LDHA: variants seen among roughly 807,000 people sequenced by gnomAD.
LDHA encodes the protein lactate dehydrogenase A.
Under a neutral mutation model 36.3 loss-of-function variants are expected in LDHA, and 10 were observed. The observed-to-expected ratio is 0.28, with a 90% CI of 0.17 to 0.47. The LOEUF (loss-of-function observed/expected upper bound fraction) is 0.47, where lower values mean the gene tolerates loss of function less well. Ranked by LOEUF, LDHA falls within the 20% of genes least tolerant of loss-of-function variation. The pLI is 0.99. For synonymous variants in LDHA, 110 were observed against 136.7 expected (o/e 0.80, Z 1.36); for missense variants, 267 against 405.8 (o/e 0.66, Z 2.94).
chr11:18,395,969 C>G (rs1053965497), intron 1 of LDHA, among the ~76,000 whole-genome samples: 4 of 152,260 alleles, frequency 2.6e-5, no homozygotes, highest in African/African-American at 9.6e-5. Flanking sequence ...GATTTAAAGT[C>G]TGGCGCTGGC....
chr11:18,396,677 G>GT lies in LDHA; in HGVS notation c.-24-136dup, dbSNP rs539111769. The stretch of plus-strand genomic sequence containing the variant: ...TCAACTCTCTTTTGGCAACCATTAG[G>GT]TTTTTTCCCCTCCCTTTTTAGTCAT... On this transcript the variant is annotated intron_variant, in intron 1 of 7. Transcript: ENST00000422447. 657 of 1,371,712 alleles carry GT rather than the reference G, an allele frequency of 4.8e-4. 2 individuals are homozygous for GT. The highest frequency in any genetic ancestry group is 6.4e-4 in the Admixed American group (22 of 34,210). 85.0% of individuals were successfully genotyped at this position (1,371,712 alleles called of 1,614,324 possible).
At position 18,407,280 on chromosome 11, in the gene LDHA, A is replaced by T; in HGVS notation, c.998A>T (p.Ter333LeuextTer11). 1 of 1,613,536 alleles carries T rather than the reference A, an allele frequency of 6.2e-7. No individual in the cohort carries two copies. The highest frequency in any genetic ancestry group is 8.5e-7 in the Non-Finnish European group (1 of 1,179,818). The change falls in exon 8 of 8, where the codon TAA (stop) becomes TTA (leucine). Residue 333 changes from the stop codon to leucine, a stop_lost. Coordinates refer to ENST00000422447, the MANE Select transcript of LDHA (RefSeq NM_005566.4). Reference sequence around the variant, plus strand: ...GGGATCCAAAAGGAGCTGCAATTTTAAAGTCTTCTGATGTCATATCATTTC... The same window carrying T: ...GGGATCCAAAAGGAGCTGCAATTTTTAAGTCTTCTGATGTCATATCATTTC... ...LWGIQKELQF[*>L]
intron 6 of LDHA, among the ~76,000 whole-genome samples, chr11:18,404,934 C>T (rs1434715611): frequency 6.6e-6 from 1 of 151,698 alleles, no homozygotes; most frequent in Non-Finnish European, 1.5e-5. Flanking sequence ...AAGAAAGAAA[C>T]ACAATATCTG....
chr11:18,402,858 T>A lies in LDHA; in HGVS notation c.437T>A (p.Val146Glu). 6.2e-7 allele frequency: 1 copy of A among 1,612,482 alleles called. No individual in the cohort carries two copies. Among genetic ancestry groups the A allele is most frequent in the Non-Finnish European group, 8.5e-7 (1 of 1,178,578 alleles). ...TTCATAGTGGATATCTTGACCTACG[T>A]GGCTTGGAAGATAAGTGGTTTTCCC... is the stretch of plus-strand genomic sequence containing the variant. ...VSNPVDILTY[V>E]AWKISGFPKN... is the part of the protein sequence containing the mutation. Residue 146 changes from valine to glutamate, a missense_variant, in exon 5 of 8, where the codon GTG becomes GAG. Physicochemically the swap from Val to Glu is moderately radical, Grantham distance 121. Transcript: ENST00000422447.
intron 1 of LDHA, chr11:18,396,445 T>A (rs993269722): frequency 2.1e-6 from 1 of 478,452 alleles, no homozygotes; most frequent in Non-Finnish European, 3.4e-6. Flanking sequence ...ATCTCTGGTG[T>A]TTACTTGAGA....
intron 3 of LDHA, 118 bp downstream of exon 3, chr11:18,399,666 C>T (rs989575493): frequency 5.1e-6 from 4 of 783,888 alleles, no homozygotes; most frequent in East Asian, 2.5e-5. Context: ...ACCACAGCCT[C>T]GAACCCTGGG....
chr11:18,404,840 A>T (rs1211263864), intron 6 of LDHA, among the ~76,000 whole-genome samples: 1 of 150,258 alleles, frequency 6.7e-6, no homozygotes, highest in Non-Finnish European at 1.5e-5. Context: ...TTAGTTCATA[A>T]CATATTCTTG....
chr11:18,399,404 T>C lies in LDHA; in HGVS notation c.127-27T>C, dbSNP rs546081732. ...AAAATCTAGAAGTGGCAATTTTCCA[T>C]TTAACTAAAGATTTGATGTCTTTTA... On this transcript the variant is annotated intron_variant, in intron 2 of 7. Coordinates refer to ENST00000422447, the MANE Select transcript of LDHA (RefSeq NM_005566.4). The C allele has an allele frequency of 3.0e-5, 46 of 1,518,526 alleles. No individual in the cohort carries two copies. In the East Asian group the frequency reaches 6.1e-4, roughly 20 times the overall value. 94.1% of individuals were successfully genotyped at this position (1,518,526 alleles called of 1,614,324 possible). A position where few individuals can be genotyped will look rare whatever the true frequency, so the allele number is the denominator to read the frequency against.
intron 6 of LDHA, among the ~76,000 whole-genome samples, 185 bp from the exon 7 acceptor site, chr11:18,405,264 A>G (rs1164969989): frequency 1.3e-5 from 2 of 152,190 alleles, no homozygotes; most frequent in Non-Finnish European, 2.9e-5. Context: ...GCTGTTACTA[A>G]CAGTACTGTT....
rs1205736486 is a variant in LDHA, at chr11:18,399,708, C to G, written c.244+160C>G. 3 of 668,836 alleles carry G rather than the reference C, an allele frequency of 4.5e-6. No homozygotes were observed. In the East Asian group the frequency reaches 8.4e-5, roughly 19 times the overall value. The allele number at this position is 668,836 out of a possible 1,614,324, so 41.4% of individuals were successfully genotyped here. A position where few individuals can be genotyped will look rare whatever the true frequency, so the allele number is the denominator to read the frequency against. On this transcript the variant is annotated intron_variant, in intron 3 of 7. Coordinates refer to ENST00000422447, the MANE Select transcript of LDHA (RefSeq NM_005566.4). ...CAATCCTCCTTCCACTTCATTACCC[C>G]CTCCCCCTCACAAAGAAACTGGGAC...
chr11:18,396,654 A>C, intron 1 of LDHA, 165 bp from the exon 2 acceptor site: 2 of 1,395,594 alleles, frequency 1.4e-6, no homozygotes, highest in Non-Finnish European at 1.9e-6. Context: ...TAGGCCTTTC[A>C]ACTCTCTTTT....
chr11:18,406,244 G>A (rs1422668293), intron 7 of LDHA, among the ~76,000 whole-genome samples: 2 of 152,046 alleles, frequency 1.3e-5, no homozygotes. Flanking sequence ...GATTGCAGGT[G>A]TGAGCCACCG....
Position 18,407,221 on chromosome 11 carries a change from G to A in LDHA, c.939G>A (p.Glu313=). 1.2e-6 allele frequency: 2 copies of A among 1,613,860 alleles called. No homozygotes were observed. Among genetic ancestry groups the A allele is most frequent in the Non-Finnish European group, 1.7e-6 (2 of 1,179,874 alleles). The part of the protein sequence containing the change: ...LVKVTLTSEE[E]ARLKKSADTL... ...AGGTGACTCTGACTTCTGAGGAAGA[G>A]GCCCGTTTGAAGAAGAGTGCAGATA... The change falls in exon 8 of 8, where the codon GAG becomes GAA. Residue 313 remains glutamate (E), a synonymous_variant. Transcript: ENST00000422447.
In LDHA at chr11:18,400,950, A is replaced by G. The variant is rs1346826614; in HGVS notation, c.358A>G (p.Ile120Val). 1.3e-5 allele frequency: 21 copies of G among 1,613,504 alleles called. No homozygotes were observed. The highest frequency in any genetic ancestry group is 1.7e-5 in the Non-Finnish European group (20 of 1,179,630). Residue 120 changes from isoleucine to valine, a missense_variant, in exon 4 of 8, where the codon ATC becomes GTC. Ile to Val is a conservative substitution (Grantham distance 29). Transcript: ENST00000422447. ...VQRNVNIFKF[I>V]IPNVVKYSPN... is the part of the protein sequence containing the mutation. ...GCGTAACGTGAACATCTTTAAATTC[A>G]TCATTCCTAATGTTGTAAAATACAG...
intron 6 of LDHA, among the ~76,000 whole-genome samples, chr11:18,405,007 G>T (rs1232688784): frequency 6.6e-6 from 1 of 152,164 alleles, no homozygotes; most frequent in African/African-American, 2.4e-5. Context: ...AGTGGATTCT[G>T]TGCTCTTTCC....
chr11:18,407,554 C>A lies in LDHA; in HGVS notation c.*273C>A. On this transcript the variant is annotated 3_prime_UTR_variant, in exon 8 of 8. Transcript: ENST00000422447. ...CTGACGCACCACTGCCAATGCTGTACGTACTGCATTTGCCCCTTGAGCCAG... is the reference window on the plus strand; with the variant it reads ...CTGACGCACCACTGCCAATGCTGTAAGTACTGCATTTGCCCCTTGAGCCAG... 2 of 719,864 alleles carry A rather than the reference C, an allele frequency of 2.8e-6. No homozygotes were observed. The highest frequency in any genetic ancestry group is 4.9e-6 in the Non-Finnish European group (2 of 404,196). 44.6% of individuals were successfully genotyped at this position (719,864 alleles called of 1,614,324 possible).
In LDHA at chr11:18,405,529, T is replaced by A; in HGVS notation, c.791T>A (p.Met264Lys). The A allele has an allele frequency of 6.2e-7, 1 of 1,614,056 alleles. No homozygotes were observed. Among genetic ancestry groups the A allele is most frequent in the Non-Finnish European group, 8.5e-7 (1 of 1,179,938 alleles). ...GTAGCAGATTTGGCAGAGAGTATAA[T>A]GAAGAATCTTAGGCGGGTGCACCCA... ...LSVADLAESI[M>K]KNLRRVHPVS... Residue 264 changes from methionine to lysine, a missense_variant, in exon 7 of 8, where the codon ATG becomes AAG. Met to Lys is a moderately conservative substitution (Grantham distance 95). Transcript: ENST00000422447.
chr11:18,408,303 G>T lies in LDHA; in HGVS notation c.*1022G>T. 2.4e-6 allele frequency: 1 copy of T among 409,312 alleles called. No individual in the cohort carries two copies. The highest frequency in any genetic ancestry group is 2.1e-5 in the African/African-American group (1 of 47,668). 25.4% of individuals were successfully genotyped at this position (409,312 alleles called of 1,614,324 possible). ...GAGGCCAGGAATTGGGGACCAGCCT[G>T]GCCAACACAACAAAACCCCATCTGT... is the stretch of plus-strand genomic sequence containing the variant. On this transcript the variant is annotated 3_prime_UTR_variant, in exon 8 of 8. Coordinates refer to ENST00000422447, the MANE Select transcript of LDHA (RefSeq NM_005566.4).
In LDHA at chr11:18,396,809, C is replaced by G. The variant is rs200267888; in HGVS notation, c.-24-10C>G. ...AGCTGTAGTGACACTAAATGTTTTT[C>G]CTCCTATAGATTCCTTTTGGTTCCA... On this transcript the variant is annotated splice_polypyrimidine_tract_variant and intron_variant, in intron 1 of 7. Transcript: ENST00000422447. 4.0e-4 allele frequency: 634 copies of G among 1,585,082 alleles called. 9 individuals are homozygous for G. In the South Asian group the frequency reaches 6.5e-3, roughly 16 times the overall value.
Sources: allele counts gnomAD v4.1 joint callset (sites outside exome capture counted in the v4.1 genomes callset), GRCh38; gene constraint gnomAD v4.1.1; transcripts MANE v1.5; gene names NCBI Gene and HGNC (gene_info 2026-07-23, HGNC 2026-07-21).